The following CBLN2 variants were observed in gnomAD, a reference collection of about 807,000 sequenced individuals.
The protein encoded by CBLN2 is cerebellin-2.
A neutral mutation model predicts 15.0 loss-of-function variants in CBLN2; 7 were observed. The observed-to-expected ratio is 0.47, with a 90% confidence interval of 0.27 to 0.88. CBLN2 has a LOEUF of 0.88. Ranked by LOEUF, CBLN2 falls within the 40% of genes least tolerant of loss-of-function variation. The probability of loss-of-function intolerance (pLI) is 0.14; values close to 1 mark genes in which losing one functional copy is unlikely to be tolerated. For missense variants in CBLN2, 242 were observed against 304.5 expected, an observed-to-expected ratio of 0.79 and a Z score of 1.53; for synonymous variants, 149 against 135.2, an observed-to-expected ratio of 1.10 and a Z score of -0.71.
At chr18:72,577,066 A>C (rs2567948) in intron 1 of CBLN2, among the ~76,000 whole-genome samples, 106,078 of 147,232 alleles carry the variant, frequency 0.72, 42,031 homozygotes, top group Non-Finnish European at 0.9. Flanking sequence ...GTGAATATTT[A>C]GAATTATAAA....
intron 1 of CBLN2, among the ~76,000 whole-genome samples, chr18:72,560,325 T>C (rs912751175): frequency 5.3e-5 from 8 of 152,212 alleles, no homozygotes; most frequent in Admixed American, 4.6e-4. Flanking sequence ...AGTGATCACA[T>C]GGCTTCAGGA....
chr18:72,567,056 C>T (rs1317045893), intron 1 of CBLN2, among the ~76,000 whole-genome samples: 1 of 152,082 alleles, frequency 6.6e-6, no homozygotes, highest in Non-Finnish European at 1.5e-5. Flanking sequence ...CTCCTAGGCT[C>T]AAGCAATCCA....
At chr18:72,586,995 T>A (rs2144925550) in intron 1 of CBLN2, among the ~76,000 whole-genome samples, 1 of 152,164 alleles carries the variant, frequency 6.6e-6, no homozygotes, top group Admixed American at 6.5e-5. Flanking sequence ...TATAAAAGGG[T>A]ACAAAGTTAG....
intron 1 of CBLN2, among the ~76,000 whole-genome samples, chr18:72,557,547 A>G (rs527475641): frequency 6.6e-6 from 1 of 152,352 alleles, no homozygotes; most frequent in African/African-American, 2.4e-5. Context: ...AATGTGGTAC[A>G]TATACACCAC....
At chr18:72,571,841 G>A (rs4892015) in intron 1 of CBLN2, among the ~76,000 whole-genome samples, 22,239 of 152,094 alleles carry the variant, frequency 0.15, 2,024 homozygotes, top group Admixed American at 0.28. Flanking sequence ...TCTTAATCTC[G>A]AGAGACGATT....
intron 1 of CBLN2, among the ~76,000 whole-genome samples, chr18:72,598,500 C>G (rs577251478): frequency 6.6e-6 from 1 of 152,212 alleles, no homozygotes; most frequent in South Asian, 2.1e-4. Flanking sequence ...CAGTGAACTG[C>G]ATTACCTGGG....
rs199997483 is a variant in CBLN2 at position 72,542,008 on chromosome 18, C to T, written c.153G>A (p.Ala51=). ...GCACGATGGGCTCCGTGTCGTTCTG[C>T]GCCCGCACGGGGCAGCAGGCGGGCA... is the stretch of plus-strand genomic sequence containing the variant. The part of the protein sequence containing the change: ...LLLPACCPVR[A]QNDTEPIVLE... Residue 51 remains alanine (A), a synonymous_variant, in exon 3 of 5, where the codon GCG becomes GCA. Coordinates refer to ENST00000269503, the MANE Select transcript of CBLN2 (RefSeq NM_182511.4). 1.9e-6 allele frequency: 3 copies of T among 1,600,694 alleles called. No individual in the cohort carries two copies. The highest frequency in any genetic ancestry group is 1.7e-5 in the Admixed American group (1 of 59,684).
intron 1 of CBLN2, among the ~76,000 whole-genome samples, chr18:72,636,673 C>A (rs2069815061): frequency 6.6e-6 from 1 of 152,098 alleles, no homozygotes; most frequent in South Asian, 2.1e-4. Flanking sequence ...CCAACTCTGG[C>A]TTTATATTTA....
In CBLN2 at chr18:72,536,852, C is replaced by T. The variant is rs946716991; in HGVS notation, c.*1324G>A. 2 of 152,618 alleles carry T rather than the reference C, an allele frequency of 1.3e-5. No homozygotes were observed. Among genetic ancestry groups the T allele is most frequent in the Non-Finnish European group, 2.9e-5 (2 of 68,050 alleles). 9.5% of individuals were successfully genotyped at this position (152,618 alleles called of 1,614,324 possible). ...TATGCATTACACACCCATCAACTCT[C>T]AGCTGTGTCTTAATAATGTTGTACG... On this transcript the variant is annotated 3_prime_UTR_variant, in exon 5 of 5. Coordinates refer to ENST00000269503, the MANE Select transcript of CBLN2 (RefSeq NM_182511.4).
At chr18:72,587,200 T>C (rs748418975) in intron 1 of CBLN2, among the ~76,000 whole-genome samples, 20 of 152,092 alleles carry the variant, frequency 1.3e-4, no homozygotes, top group African/African-American at 3.9e-4. Context: ...GAGGTGGTGA[T>C]ATTTTCAAGA....
Position 72,544,154 on chromosome 18 carries a change from T to TAAAA in CBLN2, c.-393_-390dup, listed in dbSNP as rs34326318. Reference sequence around the variant, plus strand: ...GACAGGAGCGAAAAAAACAATAAGTTAAAAAAAAAAAAAAGAAGAAGAAGA... The same window carrying TAAAA: ...GACAGGAGCGAAAAAAACAATAAGTTAAAAAAAAAAAAAAAAAAGAAGAAGAAGA... On this transcript the variant is annotated 5_prime_UTR_variant, in exon 1 of 5. Transcript: ENST00000269503. The TAAAA allele has an allele frequency of 9.2e-5, 12 of 130,810 alleles. No homozygotes were observed. The highest frequency in any genetic ancestry group is 3.3e-4 in the African/African-American group (12 of 36,422). 8.1% of individuals were successfully genotyped at this position (130,810 alleles called of 1,614,324 possible).
At chr18:72,539,038 G>A (rs897822239) in intron 3 of CBLN2, 10 of 376,530 alleles carry the variant, frequency 2.7e-5, no homozygotes, top group African/African-American at 2.0e-4. Flanking sequence ...TCAAAAACTG[G>A]CTGTGAATTT....
intron 1 of CBLN2, among the ~76,000 whole-genome samples, chr18:72,602,604 T>C (rs1187719547): frequency 1.3e-5 from 2 of 151,990 alleles, no homozygotes; most frequent in Non-Finnish European, 2.9e-5. Context: ...GCCGTGAAGG[T>C]GTTGTGCAGA....
chr18:72,638,359 G>T, exon 1 of CBLN2: 1 of 398,496 alleles, frequency 2.5e-6, no homozygotes, highest in South Asian at 1.3e-4. Flanking sequence ...CACAGAAAAT[G>T]AAAATATGTC....
At chr18:72,574,364 C>T (rs924111994) in intron 1 of CBLN2, among the ~76,000 whole-genome samples, 5 of 152,024 alleles carry the variant, frequency 3.3e-5, no homozygotes, top group South Asian at 2.1e-4. Context: ...CAATTTTCTC[C>T]CATGTTTTCT....
At chr18:72,579,972 G>T (rs1232712316) in intron 1 of CBLN2, among the ~76,000 whole-genome samples, 2 of 151,898 alleles carry the variant, frequency 1.3e-5, no homozygotes, top group African/African-American at 4.8e-5. Context: ...AAAGTATTTT[G>T]AAATTTAAAT....
At chr18:72,633,609 A>C (rs573108689) in intron 1 of CBLN2, among the ~76,000 whole-genome samples, 1 of 152,192 alleles carries the variant, frequency 6.6e-6, no homozygotes, top group Non-Finnish European at 1.5e-5. Context: ...ACATTCTGCT[A>C]TAATAAACTA....
At chr18:72,615,056 T>TATAA (rs1555672859) in intron 1 of CBLN2, among the ~76,000 whole-genome samples, 4 of 137,768 alleles carry the variant, frequency 2.9e-5, no homozygotes, top group Admixed American at 7.9e-5. Context: ...TATATATATA[T>TATAA]AAATATATAT....
At chr18:72,592,821 G>C (rs1243382578) in intron 1 of CBLN2, among the ~76,000 whole-genome samples, 1 of 151,936 alleles carries the variant, frequency 6.6e-6, no homozygotes, top group Non-Finnish European at 1.5e-5. Context: ...GGTATTTCTG[G>C]CTTCTCTATT....
Sources: allele counts gnomAD v4.1 joint callset (sites outside exome capture counted in the v4.1 genomes callset), GRCh38; gene constraint gnomAD v4.1.1; transcripts MANE v1.5; gene names NCBI Gene and HGNC (gene_info 2026-07-23, HGNC 2026-07-21).